Variants in DPY19L1 observed in about 807,000 individuals in gnomAD.
DPY19L1 encodes protein C-mannosyl-transferase DPY19L1.
A neutral mutation model predicts 96.9 loss-of-function variants in DPY19L1; 35 were observed. The observed-to-expected ratio is 0.36, with a 90% confidence interval of 0.28 to 0.48. The LOEUF (loss-of-function observed/expected upper bound fraction) is 0.48, where lower values mean the gene tolerates loss of function less well. Among genes scored for constraint, DPY19L1 ranks in the 20% least tolerant of loss-of-function variants. The probability of loss-of-function intolerance (pLI) is 0.99; values close to 1 mark genes in which losing one functional copy is unlikely to be tolerated. For synonymous variants in DPY19L1, 205 were observed against 252.6 expected, an observed-to-expected ratio of 0.81 and a Z score of 1.79; for missense variants, 521 against 777.9, an observed-to-expected ratio of 0.67 and a Z score of 3.93.
At chr7:34,970,546 C>T (rs1164317066) in intron 8 of DPY19L1, among the ~76,000 whole-genome samples, 5 of 152,142 alleles carry the variant, frequency 3.3e-5, no homozygotes, top group Non-Finnish European at 7.4e-5. Context: ...TATGTGTATA[C>T]TAAGCCGCAG....
intron 4 of DPY19L1, among the ~76,000 whole-genome samples, chr7:35,013,197 T>C (rs552872595): frequency 6.0e-4 from 91 of 152,262 alleles, no homozygotes; most frequent in Non-Finnish European, 1.1e-3. Context: ...ACTTGCTGGA[T>C]TGGGCTCACC....
chr7:35,011,089 T>C (rs1321033908), intron 5 of DPY19L1, among the ~76,000 whole-genome samples: 1 of 152,208 alleles, frequency 6.6e-6, no homozygotes, highest in South Asian at 2.1e-4. Context: ...GTGAGCAATG[T>C]AGCCTCTCAG....
intron 7 of DPY19L1, 54 bp from the exon 8 acceptor site, chr7:34,973,659 C>A: frequency 9.9e-7 from 1 of 1,006,876 alleles, no homozygotes; most frequent in East Asian, 3.2e-5. Context: ...TAAGACATTC[C>A]AAGTAAAAAT....
At chr7:34,934,336 A>C (rs1562797141) in intron 21 of DPY19L1, among the ~76,000 whole-genome samples, 1 of 152,168 alleles carries the variant, frequency 6.6e-6, no homozygotes, top group Non-Finnish European at 1.5e-5. Flanking sequence ...CAAAAATGGA[A>C]TTATTCTGGG....
At position 34,937,134 on chromosome 7, in the gene DPY19L1, C is replaced by T. The variant is rs538855467; in HGVS notation, c.2090+860G>A. ...ACATTTCTAGATAGCTTTAGATTCA[C>T]ATCTGCTTTGAAGATCTTACTGTCA... On this transcript the variant is annotated intron_variant, in intron 21 of 21. Coordinates refer to ENST00000638088, the MANE Select transcript of DPY19L1 (RefSeq NM_001366673.1). 3.9e-5 allele frequency among the ~76,000 whole-genome samples: 6 copies of T among 152,364 alleles called. No individual in the cohort carries two copies. In the South Asian group the frequency reaches 8.3e-4, roughly 21 times the overall value.
At position 34,930,274 on chromosome 7, in the gene DPY19L1, G is replaced by C. The variant is rs1046868965; in HGVS notation, c.*1299C>G. 5.3e-5 allele frequency: 8 copies of C among 152,126 alleles called. No individual in the cohort carries two copies. Among genetic ancestry groups the C allele is most frequent in the Non-Finnish European group, 8.8e-5 (6 of 68,026 alleles). The allele number at this position is 152,126 out of a possible 1,614,324, so 9.4% of individuals were successfully genotyped here. On this transcript the variant is annotated 3_prime_UTR_variant, in exon 22 of 22. Coordinates refer to ENST00000638088, the MANE Select transcript of DPY19L1 (RefSeq NM_001366673.1). ...CAGAGCTATGAGGTTTCATCGTTTT[G>C]AAGAATCTCATTTCACACAAATTAA... is the stretch of plus-strand genomic sequence containing the variant.
chr7:34,943,033 G>C (rs1784059438), intron 16 of DPY19L1, among the ~76,000 whole-genome samples: 3 of 152,318 alleles, frequency 2.0e-5, no homozygotes, highest in Non-Finnish European at 4.4e-5. Flanking sequence ...CAAGGGAGAA[G>C]TCTGGGTCAG....
At chr7:35,035,935 G>C (rs1209923677) in intron 1 of DPY19L1, among the ~76,000 whole-genome samples, 2 of 151,874 alleles carry the variant, frequency 1.3e-5, no homozygotes, top group Non-Finnish European at 2.9e-5. Context: ...GGGGAAATGT[G>C]CTGGAAACAG....
At chr7:34,989,162 T>A (rs1350136150) in intron 7 of DPY19L1, among the ~76,000 whole-genome samples, 1 of 152,168 alleles carries the variant, frequency 6.6e-6, no homozygotes, top group Non-Finnish European at 1.5e-5. Context: ...TTGCAAAAAG[T>A]ACTTAAAAGA....
upstream of DPY19L1, chr7:35,037,887 G>T: frequency 2.4e-6 from 3 of 1,238,682 alleles, no homozygotes; most frequent in Non-Finnish European, 1.0e-6. Context: ...GGAGGCGGCC[G>T]CCCTTCCATT....
chr7:34,973,864 T>A (rs1219634371), intron 7 of DPY19L1, among the ~76,000 whole-genome samples: 1 of 152,092 alleles, frequency 6.6e-6, no homozygotes, highest in East Asian at 1.9e-4. Flanking sequence ...AAGATGCAAC[T>A]ACATCTTAAA....
chr7:35,003,326 GACAGATGT>G (rs1288879485), intron 6 of DPY19L1, among the ~76,000 whole-genome samples: 1 of 152,164 alleles, frequency 6.6e-6, no homozygotes, highest in Non-Finnish European at 1.5e-5. Context: ...ATGCCAAAAG[GACAGATGT>G]ACACAAACCA....
At chr7:35,021,587 A>T (rs1785996816) in intron 1 of DPY19L1, among the ~76,000 whole-genome samples, 1 of 152,218 alleles carries the variant, frequency 6.6e-6, no homozygotes, top group African/African-American at 2.4e-5. Flanking sequence ...ATAAATCCTC[A>T]CAACTACCTT....
intron 1 of DPY19L1, among the ~76,000 whole-genome samples, chr7:35,018,870 T>C (rs759954224): frequency 2.0e-5 from 3 of 152,042 alleles, no homozygotes; most frequent in Non-Finnish European, 4.4e-5. Flanking sequence ...ATGGAAACTA[T>C]TGCTAATAGA....
At chr7:34,949,741 T>A (rs1255286561) in intron 14 of DPY19L1, 56 bp downstream of exon 14, 4 of 1,113,492 alleles carry the variant, frequency 3.6e-6, no homozygotes, top group Non-Finnish European at 5.3e-6. Context: ...GAGCACTCCT[T>A]ATGAAAAATG....
At chr7:34,984,064 G>T (rs1311341236) in intron 7 of DPY19L1, among the ~76,000 whole-genome samples, 3 of 152,184 alleles carry the variant, frequency 2.0e-5, no homozygotes, top group Non-Finnish European at 4.4e-5. Flanking sequence ...TGCTGAAAGG[G>T]AAAGCTATCA....
At chr7:35,010,631 T>C (rs1474896685) in intron 5 of DPY19L1, 70 bp from the exon 6 acceptor site, 2 of 988,328 alleles carry the variant, frequency 2.0e-6, no homozygotes, top group Non-Finnish European at 3.1e-6. Context: ...TAGCAATTTA[T>C]ATTAAATTGT....
intron 7 of DPY19L1, among the ~76,000 whole-genome samples, chr7:34,974,566 A>G (rs1302877896): frequency 6.6e-6 from 1 of 152,220 alleles, no homozygotes; most frequent in Non-Finnish European, 1.5e-5. Flanking sequence ...TGAACTACTC[A>G]CACAAGAGAA....
chr7:35,034,042 A>T (rs1165238682), intron 1 of DPY19L1, among the ~76,000 whole-genome samples: 1 of 152,184 alleles, frequency 6.6e-6, no homozygotes, highest in Non-Finnish European at 1.5e-5. Context: ...ACCAGGTTAT[A>T]GCAGGTGTAC....
Sources: gnomAD v4.1 joint callset for allele counts (sites outside exome capture counted in the v4.1 genomes callset) on GRCh38, gnomAD v4.1.1 for gene constraint, MANE v1.5 for transcripts, NCBI Gene and HGNC (gene_info 2026-07-23, HGNC 2026-07-21) for gene names.